The following BET1 variants were observed in gnomAD, a reference collection of about 807,000 sequenced individuals.
BET1 encodes the protein Bet1 golgi vesicular membrane trafficking protein, also known as BET1 homolog.
In BET1, 9 loss-of-function variants were observed where a neutral mutation model predicts 13.9. That is an observed-to-expected ratio of 0.65 (90% CI 0.39 to 1.13). The LOEUF is 1.13. BET1 is among the 50% of genes most tolerant of loss of function. The pLI is 0.01. For synonymous variants in BET1, 39 were observed against 47.3 expected, an observed-to-expected ratio of 0.82 and a Z score of 0.72; for missense variants, 127 against 133.6, an observed-to-expected ratio of 0.95 and a Z score of 0.24.
intron 4 of BET1, among the ~76,000 whole-genome samples, chr7:93,982,060 C>G: frequency 6.6e-6 from 1 of 152,074 alleles, no homozygotes; most frequent in Admixed American, 6.6e-5. Context: ...TTTGCACCTG[C>G]TTTATTGCTT....
At chr7:93,980,538 C>T (rs1038003360) in intron 4 of BET1, among the ~76,000 whole-genome samples, 10 of 152,110 alleles carry the variant, frequency 6.6e-5, no homozygotes, top group African/African-American at 2.4e-4. Flanking sequence ...ATAAAAATCA[C>T]ATGAGAAAAG....
At chr7:93,962,991 C>A (rs1025355950) in exon 7 of BET1, 1 of 151,954 alleles carries the variant, frequency 6.6e-6, no homozygotes, top group Non-Finnish European at 1.5e-5. Flanking sequence ...TGGAAAAAAT[C>A]CTCTGCAATT....
At chr7:93,973,788 A>G (rs1287559989) in intron 5 of BET1, among the ~76,000 whole-genome samples, 1 of 152,040 alleles carries the variant, frequency 6.6e-6, no homozygotes, top group Non-Finnish European at 1.5e-5. Context: ...TAAAGGTTTT[A>G]AAATGCACCA....
intron 6 of BET1, among the ~76,000 whole-genome samples, chr7:93,967,011 T>C (rs1795183695): frequency 6.6e-6 from 1 of 151,930 alleles, no homozygotes; most frequent in African/African-American, 2.4e-5. Context: ...AATATGCCTA[T>C]GAATTAGGAA....
At chr7:94,000,866 G>A (rs73715583) in intron 1 of BET1, among the ~76,000 whole-genome samples, 1,893 of 152,276 alleles carry the variant, frequency 0.012, 33 homozygotes, top group African/African-American at 0.042. Context: ...GCTGCACACA[G>A]TTGCTTGCAC....
rs370415644 is a variant in BET1 at position 93,986,912 on chromosome 7, G to A, written c.235+7440C>T. On this transcript the variant is annotated intron_variant and NMD_transcript_variant, in intron 4 of 6. Transcript: ENST00000357520. ...GTGTTACAATTGCCTACACTATTCC[G>A]TATAGTACATGCTATACAGGTTTGT... Among the ~76,000 whole-genome samples the A allele has an allele frequency of 1.3e-4, 19 of 151,954 alleles. No individual in the cohort carries two copies. In the East Asian group the frequency reaches 2.9e-3, roughly 23 times the overall value.
At chr7:93,965,496 A>G (rs1795158188) in exon 7 of BET1, 1 of 152,042 alleles carries the variant, frequency 6.6e-6, no homozygotes, top group African/African-American at 2.4e-5. Flanking sequence ...CATAATAAGG[A>G]CTTTTGTATT....
At chr7:93,975,952 T>C in exon 5 of BET1, 1 of 1,253,236 alleles carries the variant, frequency 8.0e-7, no homozygotes, top group Non-Finnish European at 1.0e-6. Context: ...TTTTGACATG[T>C]CATGATATAA....
At position 93,999,240 on chromosome 7, in the gene BET1, T is replaced by C; in HGVS notation, c.74A>G (p.Tyr25Cys). Residue 25 changes from tyrosine (Y) to cysteine (C), a missense_variant, in exon 2 of 4, where the codon TAT (tyrosine) becomes TGT (cysteine). Transcript: ENST00000222547. ...CTCATTTTCTTCTTCACAGGCACTA[T>C]ACCCACTATTAGCATAGCCATAGTT... ...YGNYGYANSG[Y>C]SACEEENERL... The C allele has an allele frequency of 6.2e-7, 1 of 1,613,518 alleles. No homozygotes were observed. Among genetic ancestry groups the C allele is most frequent in the Middle Eastern group, 1.6e-4 (1 of 6,062 alleles).
intron 6 of BET1, among the ~76,000 whole-genome samples, chr7:93,968,196 G>A (rs559779843): frequency 2.0e-5 from 3 of 151,682 alleles, no homozygotes; most frequent in Non-Finnish European, 3.0e-5. Flanking sequence ...GTATTAATAA[G>A]TCTTCAATTA....
At chr7:93,991,105 G>T (rs1795625235), downstream of BET1, among the ~76,000 whole-genome samples, 1 of 152,150 alleles carries the variant, frequency 6.6e-6, no homozygotes, top group Middle Eastern at 3.4e-3. Context: ...TAACTGAAAG[G>T]AAAAGAACGG....
At chr7:93,985,463 GTTA>G (rs528741352) in intron 4 of BET1, among the ~76,000 whole-genome samples, 126 of 152,160 alleles carry the variant, frequency 8.3e-4, no homozygotes, top group Non-Finnish European at 1.5e-3. Context: ...CCAATAAATG[GTTA>G]TTATTATTAA....
intron 2 of BET1, 44 bp from the exon 3 acceptor site, chr7:93,996,365 T>A (rs756074779): frequency 1.0e-5 from 14 of 1,358,290 alleles, no homozygotes; most frequent in South Asian, 8.5e-5. Flanking sequence ...CATAAAAGTA[T>A]TCAAGTGTTA....
At chr7:93,977,990 G>A (rs931663481) in intron 4 of BET1, among the ~76,000 whole-genome samples, 1 of 151,974 alleles carries the variant, frequency 6.6e-6, no homozygotes, top group Non-Finnish European at 1.5e-5. Flanking sequence ...AGCATCTGAG[G>A]CCATAATCTA....
At chr7:93,987,866 G>A (rs1256165283) in intron 4 of BET1, among the ~76,000 whole-genome samples, 1 of 152,102 alleles carries the variant, frequency 6.6e-6, no homozygotes, top group Non-Finnish European at 1.5e-5. Flanking sequence ...CTGTAGACAT[G>A]GCATTCAATT....
chr7:93,975,989 A>G (rs1257161712), exon 5 of BET1: 1 of 1,278,402 alleles, frequency 7.8e-7, no homozygotes, highest in Admixed American at 2.3e-5. Context: ...GATGGCACTG[A>G]AAGTAAGCCT....
At chr7:93,973,831 T>C (rs755728657) in intron 5 of BET1, among the ~76,000 whole-genome samples, 84 of 152,038 alleles carry the variant, frequency 5.5e-4, no homozygotes, top group Non-Finnish European at 1.0e-3. Flanking sequence ...GAATACAAAC[T>C]GTAGCAAATG....
chr7:93,998,250 C>A (rs1384587802), intron 2 of BET1, among the ~76,000 whole-genome samples: 1 of 152,128 alleles, frequency 6.6e-6, no homozygotes, highest in Non-Finnish European at 1.5e-5. Context: ...TTTATTAAAT[C>A]ATGGAAGGAC....
chr7:93,980,711 A>G (rs547543480), intron 4 of BET1, among the ~76,000 whole-genome samples: 3 of 152,292 alleles, frequency 2.0e-5, no homozygotes, highest in South Asian at 2.1e-4. Flanking sequence ...GAACAAGGCC[A>G]GGATACCCAC....
Sources: allele counts gnomAD v4.1 joint callset (sites outside exome capture counted in the v4.1 genomes callset), GRCh38; gene constraint gnomAD v4.1.1; transcripts MANE v1.5; gene names NCBI Gene and HGNC (gene_info 2026-07-23, HGNC 2026-07-21).